The following INSR variants were observed in gnomAD, a reference collection of about 807,000 sequenced individuals.
INSR encodes insulin receptor.
A neutral mutation model predicts 142.6 loss-of-function variants in INSR; 67 were observed. That is an observed-to-expected ratio of 0.47 (90% CI 0.39 to 0.58). INSR has a LOEUF of 0.58. Among genes scored for constraint, INSR ranks in the 20% least tolerant of loss-of-function variants. The pLI, the probability that INSR is intolerant of heterozygous loss-of-function variation, is 0.00. For missense variants in INSR, 1,248 were observed against 1,833.2 expected (o/e 0.68, Z 5.83); for synonymous variants, 756 against 743.1 (o/e 1.02, Z -0.28).
chr19:7,153,351 C>CCA (rs138064880), intron 9 of INSR, among the ~76,000 whole-genome samples: 8,961 of 12,818 alleles, frequency 0.7, 2,817 homozygotes, highest in Non-Finnish European at 0.73. Flanking sequence ...ACACCACAGA[C>CCA]CACACACCAC....
chr19:7,206,881 C>A (rs1345560177), intron 2 of INSR, among the ~76,000 whole-genome samples: 2 of 152,250 alleles, frequency 1.3e-5, no homozygotes, highest in African/African-American at 4.8e-5. Flanking sequence ...ACATCTAAAT[C>A]CCCTTTGAAA....
At chr19:7,135,511 T>G (rs1228186692) in intron 13 of INSR, among the ~76,000 whole-genome samples, 1 of 143,584 alleles carries the variant, frequency 7.0e-6, no homozygotes, top group Non-Finnish European at 1.5e-5. Context: ...AGACTCTGTT[T>G]GAAAAAAAAA....
chr19:7,140,118 C>T (rs1814702437), intron 13 of INSR, among the ~76,000 whole-genome samples: 1 of 152,152 alleles, frequency 6.6e-6, no homozygotes, highest in African/African-American at 2.4e-5. Flanking sequence ...CCACAAGCCA[C>T]AATAATTTAG....
rs186400721 is a variant in INSR, at chr19:7,234,982, C to T, written c.652+32363G>A. ...CTGAGGCAGGAGAATGGCGTGAACC[C>T]GGGAGGCGGAGCTTGCAGTGAGCTG... On this transcript the variant is annotated intron_variant, in intron 2 of 21. Transcript: ENST00000302850. Among the ~76,000 whole-genome samples the T allele has an allele frequency of 3.3e-3, 498 of 151,966 alleles. 4 individuals are homozygous for T. Among genetic ancestry groups the T allele is most frequent in the Admixed American group, 9.1e-3 (139 of 15,242 alleles).
At chr19:7,195,538 G>A (rs1008193512) in intron 2 of INSR, among the ~76,000 whole-genome samples, 11 of 151,874 alleles carry the variant, frequency 7.2e-5, no homozygotes, top group Admixed American at 2.0e-4. Context: ...GGCTACTTGG[G>A]GGCTGAGGCA....
intron 2 of INSR, among the ~76,000 whole-genome samples, chr19:7,211,138 C>G (rs1053965575): frequency 6.6e-6 from 1 of 152,168 alleles, no homozygotes; most frequent in Non-Finnish European, 1.5e-5. Flanking sequence ...CAAGTCACAG[C>G]TCACTGCAGC....
chr19:7,195,927 CTTTCT>C (rs775272442), intron 2 of INSR, among the ~76,000 whole-genome samples: 10,380 of 99,666 alleles, frequency 0.1, 274 homozygotes, highest in Middle Eastern at 0.16. Context: ...TCTTTCTTTT[CTTTCT>C]TTTTTTTTTT....
rs887917348 is a variant in INSR, at chr19:7,172,535, G to A, written c.1124-101C>T. 7.1e-6 allele frequency: 9 copies of A among 1,275,846 alleles called. No homozygotes were observed. In the Admixed American group the frequency reaches 1.3e-4, roughly 19 times the overall value. 79.0% of individuals were successfully genotyped at this position (1,275,846 alleles called of 1,614,324 possible). ...GATAACCCTCAGGCTGCAAATGACT[G>A]GACATACCCAGCTCAAAACTCATCA... On this transcript the variant is annotated intron_variant, in intron 4 of 21. Transcript: ENST00000302850.
Position 7,116,996 on chromosome 19 carries a change from T to G in INSR, c.*60A>C. ...GAGAATCCTGAGTTTTCCAGAGGCTTTCAAACCAGAGGAAAGCGAAAATGG... is the reference window on the plus strand; with the variant it reads ...GAGAATCCTGAGTTTTCCAGAGGCTGTCAAACCAGAGGAAAGCGAAAATGG... On this transcript the variant is annotated 3_prime_UTR_variant, in exon 22 of 22. Coordinates refer to ENST00000302850, the MANE Select transcript of INSR (RefSeq NM_000208.4). The G allele has an allele frequency of 7.5e-7, 1 of 1,337,426 alleles. No individual in the cohort carries two copies. The highest frequency in any genetic ancestry group is 1.1e-6 in the Non-Finnish European group (1 of 927,852). The allele number at this position is 1,337,426 out of a possible 1,614,324, so 82.8% of individuals were successfully genotyped here.
intron 2 of INSR, among the ~76,000 whole-genome samples, chr19:7,189,461 C>CAAAT (rs971961761): frequency 3.9e-5 from 6 of 152,152 alleles, no homozygotes; most frequent in Non-Finnish European, 5.9e-5. Flanking sequence ...GGGCCACAAG[C>CAAAT]AAATACTTGA....
At chr19:7,197,403 G>T (rs565360869) in intron 2 of INSR, among the ~76,000 whole-genome samples, 1 of 152,358 alleles carries the variant, frequency 6.6e-6, no homozygotes, top group Admixed American at 6.5e-5. Flanking sequence ...TCTCCATGCT[G>T]CGGATCTCTT....
At chr19:7,274,252 C>G (rs1018661888) in intron 1 of INSR, among the ~76,000 whole-genome samples, 1 of 151,954 alleles carries the variant, frequency 6.6e-6, no homozygotes, top group African/African-American at 2.4e-5. Context: ...CGACAGGATT[C>G]GAGCTCCTAT....
At chr19:7,158,824 CTTAT>C (rs575836449) in intron 9 of INSR, among the ~76,000 whole-genome samples, 94 of 152,038 alleles carry the variant, frequency 6.2e-4, no homozygotes, top group South Asian at 3.7e-3. Context: ...GGTTTGTAAG[CTTAT>C]TTATTTGTGT....
intron 10 of INSR, among the ~76,000 whole-genome samples, chr19:7,151,045 TTTTC>T (rs1448936953): frequency 2.8e-4 from 26 of 91,284 alleles, no homozygotes; most frequent in Non-Finnish European, 6.0e-4. Flanking sequence ...CTTTTTTTCA[TTTTC>T]TTTCTCTTTC....
intron 2 of INSR, among the ~76,000 whole-genome samples, chr19:7,259,051 T>TTC (rs1976979148): frequency 7.0e-6 from 1 of 142,262 alleles, no homozygotes; most frequent in Non-Finnish European, 1.6e-5. Context: ...CTTCCTTTCT[T>TTC]TCTTCCTTCC....
chr19:7,148,477 CTTTTT>C (rs71177160), intron 11 of INSR, among the ~76,000 whole-genome samples: 1 of 95,062 alleles, frequency 1.1e-5, no homozygotes, highest in Non-Finnish European at 1.9e-5. Flanking sequence ...TGTATTTATT[CTTTTT>C]TTTTTTTTTT....
intron 2 of INSR, among the ~76,000 whole-genome samples, chr19:7,254,040 G>A (rs150694117): frequency 1.3e-4 from 11 of 83,930 alleles, no homozygotes; most frequent in East Asian, 7.3e-4. Context: ...AAAAAAAAAA[G>A]AAAAAAGAAA....
In INSR at chr19:7,122,980, G is replaced by C; in HGVS notation, c.3268C>G (p.Leu1090Val). ...GFTCHHVVRLLGVVSKGQPTL... is the reference protein window; with the variant it reads ...GFTCHHVVRLVGVVSKGQPTL... ...GGCTGGCCCTTGGACACCACTCCCA[G>C]GAGGCGCACCTGCAGAGCAAGCAAC... is the stretch of plus-strand genomic sequence containing the variant. Residue 1090 changes from leucine (L) to valine (V), a missense_variant, in exon 18 of 22, where the codon CTG becomes GTG. Transcript: ENST00000302850. 6.2e-7 allele frequency: 1 copy of C among 1,602,214 alleles called. No homozygotes were observed. The highest frequency in any genetic ancestry group is 1.1e-5 in the South Asian group (1 of 89,170).
chr19:7,193,223 A>G (rs936845475), intron 2 of INSR, among the ~76,000 whole-genome samples: 2 of 150,090 alleles, frequency 1.3e-5, no homozygotes, highest in Non-Finnish European at 3.0e-5. Context: ...GGTTCAAGAG[A>G]TTCTTCTGCT....
Sources: allele counts gnomAD v4.1 joint callset (sites outside exome capture counted in the v4.1 genomes callset), GRCh38; gene constraint gnomAD v4.1.1; transcripts MANE v1.5; gene names NCBI Gene and HGNC (gene_info 2026-07-23, HGNC 2026-07-21).